The following AOAH variants were observed in gnomAD, a reference collection of about 807,000 sequenced individuals.
AOAH encodes the protein acyloxyacyl hydrolase.
AOAH carries 64 observed loss-of-function variants against 92.2 expected under a neutral mutation model. The ratio of observed to expected loss-of-function variants is 0.69; its 90% confidence interval spans 0.57 to 0.86. AOAH has a LOEUF of 0.86. Among genes scored for constraint, AOAH ranks in the 40% least tolerant of loss-of-function variants. AOAH has a pLI of 0.00. For synonymous variants in AOAH, 263 were observed against 254.5 expected, an observed-to-expected ratio of 1.03 and a Z score of -0.32; for missense variants, 656 against 694.6, an observed-to-expected ratio of 0.94 and a Z score of 0.62.
chr7:36,564,449 G>A (rs935525990), intron 13 of AOAH, among the ~76,000 whole-genome samples: 2 of 152,188 alleles, frequency 1.3e-5, no homozygotes, highest in Non-Finnish European at 1.5e-5. Context: ...AGGAGAGGAG[G>A]GGAGTGGTGG....
At chr7:36,628,236 T>A (rs1692605408) in intron 6 of AOAH, among the ~76,000 whole-genome samples, 2 of 152,084 alleles carry the variant, frequency 1.3e-5, no homozygotes, top group South Asian at 2.1e-4. Flanking sequence ...TTATGTGAAA[T>A]AATATGGGGG....
rs560095376 is a variant in AOAH at position 36,536,281 on chromosome 7, C to T, written c.1307-3937G>A. On this transcript the variant is annotated intron_variant, in intron 16 of 20. Transcript: ENST00000617537. ...TCCTACCATGCCTCTGTTTCCTGAA[C>T]GCTTTCTTAATTTTTAAGAAGTGGC... 4.6e-5 allele frequency among the ~76,000 whole-genome samples: 7 copies of T among 152,330 alleles called. No individual in the cohort carries two copies. The East Asian group carries it at 7.7e-4, about 17-fold the overall frequency.
chr7:36,603,277 C>T (rs1391817429), intron 11 of AOAH, among the ~76,000 whole-genome samples: 1 of 152,136 alleles, frequency 6.6e-6, no homozygotes, highest in Non-Finnish European at 1.5e-5. Flanking sequence ...GCCCTCCTCT[C>T]CCACCCCCGT....
At chr7:36,706,699 CT>C (rs1798437198) in intron 1 of AOAH, among the ~76,000 whole-genome samples, 1 of 152,212 alleles carries the variant, frequency 6.6e-6, no homozygotes, top group Non-Finnish European at 1.5e-5. Flanking sequence ...CATCAATGAT[CT>C]TAGCTAGATT....
rs756227405 is a variant in AOAH, at chr7:36,637,886, T to C, written c.415A>G (p.Lys139Glu). 1 of 1,613,904 alleles carries C rather than the reference T, an allele frequency of 6.2e-7. No homozygotes were observed. The highest frequency in any genetic ancestry group is 8.5e-7 in the Non-Finnish European group (1 of 1,179,886). Residue 139 changes from lysine (K) to glutamate (E), a missense_variant, in exon 5 of 21, where the codon AAG (lysine) becomes GAG (glutamate). Transcript: ENST00000617537. ...GACTTCTTGACAATTTGTCTTGCCT[T>C]CTGTAGTGTAAATTTCCATGTCTCC... is the stretch of plus-strand genomic sequence containing the variant. ...PKETWKFTLQ[K>E]ARQIVKKSPI...
rs1325876122 is a variant in AOAH, at chr7:36,714,746, A to T, written c.127+9276T>A. 2.6e-5 allele frequency among the ~76,000 whole-genome samples: 4 copies of T among 152,256 alleles called. 1 individual carries two copies. Among genetic ancestry groups the T allele is most frequent in the African/African-American group, 9.6e-5 (4 of 41,468 alleles). On this transcript the variant is annotated intron_variant, in intron 1 of 20. Coordinates refer to ENST00000617537, the MANE Select transcript of AOAH (RefSeq NM_001637.4). ...AAAAACCACATGATTATCTCAATAG[A>T]TGCAGAAAAGGCCTTTGACAAAATT...
intron 11 of AOAH, among the ~76,000 whole-genome samples, chr7:36,603,859 C>A (rs1429704559): frequency 6.6e-6 from 1 of 152,202 alleles, no homozygotes; most frequent in Non-Finnish European, 1.5e-5. Context: ...ATAGCAGAGT[C>A]ATTTCAGTAT....
At chr7:36,632,465 C>T (rs762664259) in intron 5 of AOAH, among the ~76,000 whole-genome samples, 3 of 152,198 alleles carry the variant, frequency 2.0e-5, no homozygotes, top group Non-Finnish European at 4.4e-5. Context: ...ATAATTCCAT[C>T]TCATTATGGA....
intron 13 of AOAH, among the ~76,000 whole-genome samples, chr7:36,552,387 C>G (rs1055577140): frequency 9.9e-5 from 15 of 152,200 alleles, no homozygotes; most frequent in Non-Finnish European, 2.2e-4. Flanking sequence ...ACCACATTTT[C>G]TTTATCCAGT....
chr7:36,596,726 C>G (rs1470177055), intron 11 of AOAH, among the ~76,000 whole-genome samples: 1 of 152,166 alleles, frequency 6.6e-6, no homozygotes, highest in Non-Finnish European at 1.5e-5. Context: ...CTGCTGACAT[C>G]TTGATCTCAG....
chr7:36,572,887 T>C (rs867960536), intron 13 of AOAH, among the ~76,000 whole-genome samples: 1 of 152,338 alleles, frequency 6.6e-6, no homozygotes, highest in East Asian at 1.9e-4. Flanking sequence ...CCCACTGAGT[T>C]TGGGTGCAGC....
chr7:36,556,183 G>A (rs1022992719), intron 13 of AOAH, among the ~76,000 whole-genome samples: 1 of 151,986 alleles, frequency 6.6e-6, no homozygotes, highest in Admixed American at 6.6e-5. Context: ...GGTATGTTGT[G>A]TCTTTGTTCT....
intron 4 of AOAH, among the ~76,000 whole-genome samples, chr7:36,649,795 C>T (rs1008579892): frequency 2.0e-5 from 3 of 152,192 alleles, no homozygotes; most frequent in South Asian, 2.1e-4. Flanking sequence ...GCAGACCTAC[C>T]GCTAACTTCC....
At chr7:36,702,957 T>G (rs192910037) in intron 1 of AOAH, among the ~76,000 whole-genome samples, 237 of 152,328 alleles carry the variant, frequency 1.6e-3, no homozygotes, top group African/African-American at 5.4e-3. Context: ...CTTTATCAAC[T>G]AAGTTTATGA....
At position 36,516,353 on chromosome 7, in the gene AOAH, C is replaced by A. The variant is rs1229041668; in HGVS notation, c.1600-2973G>T. Among the ~76,000 whole-genome samples the A allele has an allele frequency of 1.6e-5, 2 of 121,544 alleles. No individual in the cohort carries two copies. The highest frequency in any genetic ancestry group is 3.3e-5 in the African/African-American group (1 of 30,290). The allele number at this position is 121,544 out of a possible 152,430, so 79.7% of individuals were successfully genotyped here. A position where few individuals can be genotyped will look rare whatever the true frequency, so the allele number is the denominator to read the frequency against. The stretch of plus-strand genomic sequence containing the variant: ...AAGCACACAGATACCACACACACCC[C>A]CACAGAAAGCACACAGATACCACAC... On this transcript the variant is annotated intron_variant, in intron 20 of 20. Transcript: ENST00000617537. The surrounding 1 kb of genome is among the most constrained non-coding windows in gnomAD (Gnocchi z 5.0).
intron 1 of AOAH, among the ~76,000 whole-genome samples, chr7:36,708,930 C>T (rs972438125): frequency 1.3e-5 from 2 of 152,136 alleles, no homozygotes; most frequent in Non-Finnish European, 2.9e-5. Context: ...ATCTGTTGAT[C>T]GATCCACGTG....
intron 13 of AOAH, among the ~76,000 whole-genome samples, chr7:36,554,416 A>G (rs371822421): frequency 2.0e-5 from 3 of 152,152 alleles, no homozygotes; most frequent in African/African-American, 7.2e-5. Context: ...GTCAGGTAGC[A>G]TGATGCCTCC....
At chr7:36,632,702 TAAA>T (rs1173168580) in intron 5 of AOAH, among the ~76,000 whole-genome samples, 3 of 152,004 alleles carry the variant, frequency 2.0e-5, no homozygotes, top group Non-Finnish European at 4.4e-5. Context: ...TTCCTCAACT[TAAA>T]GAAAGAGAAG....
chr7:36,683,760 A>T lies in AOAH; in HGVS notation c.223+2939T>A, dbSNP rs553116861. Among the ~76,000 whole-genome samples the T allele has an allele frequency of 2.2e-4, 34 of 152,184 alleles. 1 individual carries two copies. Among genetic ancestry groups the T allele is most frequent in the South Asian group, 6.2e-4 (3 of 4,830 alleles). On this transcript the variant is annotated intron_variant, in intron 2 of 20. Transcript: ENST00000617537. ...GTGTCAGTATGAACTCAGATATTTT[A>T]TCTTAAAGCTGACATGTGTAAATGT...
Sources: allele counts gnomAD v4.1 joint callset (sites outside exome capture counted in the v4.1 genomes callset), GRCh38; gene constraint gnomAD v4.1.1; non-coding constraint Gnocchi (gnomAD v3.1); transcripts MANE v1.5; gene names NCBI Gene and HGNC (gene_info 2026-07-23, HGNC 2026-07-21).